Variants in TIAM1 observed in about 807,000 individuals in gnomAD.
TIAM1 encodes the protein rho guanine nucleotide exchange factor TIAM1.
In TIAM1, 65 loss-of-function variants were observed where a neutral mutation model predicts 163.5. The ratio of observed to expected loss-of-function variants is 0.40; its 90% CI spans 0.33 to 0.49. The LOEUF is 0.49. TIAM1 is among the 20% of genes least tolerant of loss of function. The pLI is 0.77. For synonymous variants in TIAM1, 833 were observed against 810.1 expected (o/e 1.03, Z -0.48); for missense variants, 1,789 against 2,044.7 (o/e 0.87, Z 2.41).
At chr21:31,289,289 G>A (rs1056385612) in intron 2 of TIAM1, among the ~76,000 whole-genome samples, 2 of 152,170 alleles carry the variant, frequency 1.3e-5, no homozygotes, top group African/African-American at 4.8e-5. Context: ...TTAACTATGG[G>A]ACACAAGTGA....
At chr21:31,154,574 T>TA (rs2083531982) in intron 16 of TIAM1, 148 bp from the exon 17 acceptor site, 1 of 769,980 alleles carries the variant, frequency 1.3e-6, no homozygotes, top group African/African-American at 1.7e-5. Flanking sequence ...GCTCCACATT[T>TA]AGGAGAGCTT....
chr21:31,317,969 G>C (rs1480540955), intron 2 of TIAM1, among the ~76,000 whole-genome samples: 3 of 152,152 alleles, frequency 2.0e-5, no homozygotes. Context: ...TAATGACCCA[G>C]CTCAACAGGA....
intron 1 of TIAM1, among the ~76,000 whole-genome samples, chr21:31,489,395 A>C (rs990420870): frequency 2.8e-5 from 1 of 36,230 alleles, no homozygotes. Context: ...GAGGAGAGGG[A>C]GGGGAGGGGG....
intron 16 of TIAM1, among the ~76,000 whole-genome samples, chr21:31,155,004 C>T (rs1409701983): frequency 6.6e-6 from 1 of 152,200 alleles, no homozygotes; most frequent in Non-Finnish European, 1.5e-5. Context: ...GATACCCATA[C>T]TTAAATAAAA....
chr21:31,393,715 G>GT (rs1407373869), intron 2 of TIAM1, among the ~76,000 whole-genome samples: 1 of 152,198 alleles, frequency 6.6e-6, no homozygotes. Flanking sequence ...CTGTTTGAAT[G>GT]TGGAGTATCA....
intron 2 of TIAM1, among the ~76,000 whole-genome samples, chr21:31,383,514 C>T (rs1180627884): frequency 2.0e-5 from 3 of 152,236 alleles, no homozygotes; most frequent in African/African-American, 4.8e-5. Context: ...TTCACTCAAC[C>T]TTACAAACAG....
At chr21:31,135,666 C>A (rs932584389) in intron 23 of TIAM1, among the ~76,000 whole-genome samples, 1 of 150,526 alleles carries the variant, frequency 6.6e-6, no homozygotes, top group African/African-American at 2.5e-5. Flanking sequence ...AAAAAAAATT[C>A]TTTTCCTGCC....
chr21:31,179,461 A>G (rs1479843804), intron 15 of TIAM1, among the ~76,000 whole-genome samples: 1 of 152,084 alleles, frequency 6.6e-6, no homozygotes, highest in East Asian at 1.9e-4. Context: ...AATTTGAGTC[A>G]TAGTTATTAT....
chr21:31,206,089 C>G (rs2086438073), intron 11 of TIAM1, among the ~76,000 whole-genome samples: 1 of 152,118 alleles, frequency 6.6e-6, no homozygotes, highest in Non-Finnish European at 1.5e-5. Context: ...TCAGCACAAG[C>G]AGCAAACATG....
chr21:31,399,962 G>A (rs138969491), intron 2 of TIAM1, among the ~76,000 whole-genome samples: 309 of 151,962 alleles, frequency 2.0e-3, no homozygotes, highest in African/African-American at 7.2e-3. Flanking sequence ...TAGCGTATGG[G>A]CACACACATA....
chr21:31,130,960 A>G lies in TIAM1; in HGVS notation c.3884-12T>C. 6.2e-7 allele frequency: 1 copy of G among 1,612,570 alleles called. No individual in the cohort carries two copies. The highest frequency in any genetic ancestry group is 8.5e-7 in the Non-Finnish European group (1 of 1,179,156). The stretch of plus-strand genomic sequence containing the variant: ...AGCAGTTTTGAAGACTGGAAAAAAT[A>G]AAATAAAGACAGTTATGGTATGTCA... On this transcript the variant is annotated splice_polypyrimidine_tract_variant and intron_variant, in intron 23 of 27. Coordinates refer to ENST00000541036, the MANE Select transcript of TIAM1 (RefSeq NM_001353694.2).
At chr21:31,167,088 C>CT (rs72031739) in intron 15 of TIAM1, among the ~76,000 whole-genome samples, 14,947 of 125,074 alleles carry the variant, frequency 0.12, 1,589 homozygotes, top group East Asian at 0.23. Flanking sequence ...AAAGGATTTC[C>CT]TTTTTTTTTT....
intron 1 of TIAM1, among the ~76,000 whole-genome samples, chr21:31,476,865 T>C (rs903069240): frequency 6.6e-6 from 1 of 152,188 alleles, no homozygotes; most frequent in Non-Finnish European, 1.5e-5. Flanking sequence ...TTGTATATAA[T>C]TGTTAATCAC....
chr21:31,120,422 A>G lies in TIAM1; in HGVS notation c.4722T>C (p.Ile1574=). 6.2e-7 allele frequency: 1 copy of G among 1,614,078 alleles called. No individual in the cohort carries two copies. Among genetic ancestry groups the G allele is most frequent in the Non-Finnish European group, 8.5e-7 (1 of 1,180,008 alleles). The change falls in exon 28 of 28, where the codon ATT becomes ATC. Residue 1574 remains isoleucine (I), a synonymous_variant. Transcript: ENST00000541036. This position sits in a 1 kb window ranked among gnomAD's most constrained non-coding sequence, Gnocchi z 4.2. ...GGLESASEEV[I]WVRREDFAPS... is the part of the protein sequence containing the mutation. ...GGGCAAAGTCTTCACGCCTAACCCA[A>G]ATGACTTCCTCGCTTGCGCTCTCCA...
rs1293662164 is a variant in TIAM1, at chr21:31,277,889, C to A, written c.-188-981G>T. 4.6e-5 allele frequency among the ~76,000 whole-genome samples: 7 copies of A among 152,166 alleles called. No individual in the cohort carries two copies. The East Asian group carries it at 1.3e-3, about 29-fold the overall frequency. On this transcript the variant is annotated intron_variant, in intron 2 of 27. Coordinates refer to ENST00000541036, the MANE Select transcript of TIAM1 (RefSeq NM_001353694.2). ...AAATGATGCAACATTTGGATACAGG[C>A]ATAAAATGACAGGCTTAAATCAGAT... is the stretch of plus-strand genomic sequence containing the variant.
intron 6 of TIAM1, among the ~76,000 whole-genome samples, chr21:31,234,525 A>T (rs990613612): frequency 2.6e-5 from 4 of 152,200 alleles, no homozygotes; most frequent in African/African-American, 7.2e-5. Context: ...TTAAACCTGT[A>T]ATCTCAGCAC....
intron 1 of TIAM1, among the ~76,000 whole-genome samples, chr21:31,476,402 G>C (rs1472948388): frequency 6.6e-6 from 1 of 152,202 alleles, no homozygotes; most frequent in Non-Finnish European, 1.5e-5. Context: ...TTAAGGGCTT[G>C]GGCCATTTCA....
chr21:31,202,583 A>G (rs2086258032), intron 12 of TIAM1, among the ~76,000 whole-genome samples: 1 of 152,108 alleles, frequency 6.6e-6, no homozygotes. Flanking sequence ...ACAACAAAAT[A>G]AAAATACTAA....
chr21:31,130,047 T>G (rs766574291), intron 25 of TIAM1, among the ~76,000 whole-genome samples, 166 bp downstream of exon 25: 76 of 139,074 alleles, frequency 5.5e-4, no homozygotes, highest in South Asian at 2.9e-3. Flanking sequence ...AATGGCTGGG[T>G]AAATAAGAGG....
Sources: allele counts gnomAD v4.1 joint callset (sites outside exome capture counted in the v4.1 genomes callset), GRCh38; gene constraint gnomAD v4.1.1; non-coding constraint Gnocchi (gnomAD v3.1); transcripts MANE v1.5; gene names NCBI Gene and HGNC (gene_info 2026-07-23, HGNC 2026-07-21).